PPFIA2: variants seen among roughly 807,000 people sequenced by gnomAD.
The protein encoded by PPFIA2 is liprin-alpha-2.
A neutral mutation model predicts 175.5 loss-of-function variants in PPFIA2; 46 were observed. That is an observed-to-expected ratio of 0.26 (90% CI 0.21 to 0.34). The LOEUF (loss-of-function observed/expected upper bound fraction) is 0.34, where lower values mean the gene tolerates loss of function less well. Ranked by LOEUF, PPFIA2 falls within the 10% of genes least tolerant of loss-of-function variation. The pLI is 1.00. For missense variants in PPFIA2, 1,179 were observed against 1,506.1 expected (o/e 0.78, Z 3.60); for synonymous variants, 568 against 511.4 (o/e 1.11, Z -1.49).
At chr12:81,411,595 T>C (rs1592577069) in intron 7 of PPFIA2, among the ~76,000 whole-genome samples, 1 of 152,078 alleles carries the variant, frequency 6.6e-6, no homozygotes, top group East Asian at 1.9e-4. Flanking sequence ...TTTTCTTTTC[T>C]ACCAGCTTGA....
rs1433922678 is a variant in PPFIA2, at chr12:81,272,133, C to G, written c.3311-4046G>C. Among the ~76,000 whole-genome samples the G allele has an allele frequency of 2.0e-5, 3 of 152,200 alleles. No homozygotes were observed. In the East Asian group the frequency reaches 5.8e-4, roughly 29 times the overall value. ...ATTGTGGAGTTTACTCTGGCAGATT[C>G]TAAGATTTTGGGGTGTGGGAAATCA... is the stretch of plus-strand genomic sequence containing the variant. On this transcript the variant is annotated intron_variant, in intron 28 of 32. Transcript: ENST00000549396.
At chr12:81,432,002 T>C (rs1304152789) in intron 7 of PPFIA2, among the ~76,000 whole-genome samples, 1 of 152,236 alleles carries the variant, frequency 6.6e-6, no homozygotes, top group Non-Finnish European at 1.5e-5. Flanking sequence ...ACCCCTACAA[T>C]GAATTCCTCC....
intron 23 of PPFIA2, 144 bp from the exon 24 acceptor site, chr12:81,295,179 C>G (rs1882188): frequency 0.95 from 684,713 of 718,490 alleles, 327,538 homozygotes; most frequent in South Asian, 0.98. Context: ...CCCTAGAGGA[C>G]ATAGATGCAC....
Position 81,392,814 on chromosome 12 carries a change from T to C in PPFIA2, c.763-8570A>G, listed in dbSNP as rs75918341. Among the ~76,000 whole-genome samples the C allele has an allele frequency of 1.5e-3, 230 of 152,074 alleles. 4 individuals are homozygous for C. The East Asian group carries it at 0.028, about 19-fold the overall frequency. ...TGTTTTGCTTTAATTCATCCCCAAC[T>C]CAATTAGTGAGAACTTCACTTTTTC... is the stretch of plus-strand genomic sequence containing the variant. On this transcript the variant is annotated intron_variant, in intron 8 of 32. Transcript: ENST00000549396.
chr12:81,551,094 C>T (rs1488565324), intron 4 of PPFIA2, among the ~76,000 whole-genome samples: 1 of 151,366 alleles, frequency 6.6e-6, no homozygotes, highest in Non-Finnish European at 1.5e-5. Context: ...AAACACATTA[C>T]AGTGAGTGGA....
chr12:81,646,823 T>C (rs2066153701), intron 4 of PPFIA2, among the ~76,000 whole-genome samples: 1 of 151,694 alleles, frequency 6.6e-6, no homozygotes, highest in Non-Finnish European at 1.5e-5. Context: ...GTCTTCTGTG[T>C]TTTTTAACCA....
At chr12:81,547,204 G>A (rs1409450037) in intron 4 of PPFIA2, among the ~76,000 whole-genome samples, 1 of 152,088 alleles carries the variant, frequency 6.6e-6, no homozygotes, top group Non-Finnish European at 1.5e-5. Context: ...GTAAATTTCA[G>A]TTGAATTCCA....
At chr12:81,389,274 C>G (rs1281647891) in intron 8 of PPFIA2, among the ~76,000 whole-genome samples, 1 of 150,556 alleles carries the variant, frequency 6.6e-6, no homozygotes, top group Non-Finnish European at 1.5e-5. Flanking sequence ...ATGTTTGTTC[C>G]AATTCTGTGC....
chr12:81,290,355 T>G (rs191420487), intron 24 of PPFIA2, among the ~76,000 whole-genome samples: 9 of 151,940 alleles, frequency 5.9e-5, no homozygotes, highest in African/African-American at 2.2e-4. Flanking sequence ...TAGTGATTTA[T>G]GTGGAATTTT....
intron 4 of PPFIA2, among the ~76,000 whole-genome samples, chr12:81,570,642 AT>A (rs1027709809): frequency 4.0e-5 from 6 of 151,352 alleles, no homozygotes; most frequent in African/African-American, 1.5e-4. Context: ...AGTTGTGAAA[AT>A]TTTTCTTAAA....
Position 81,605,754 on chromosome 12 carries a change from G to C in PPFIA2, c.303+71037C>G, listed in dbSNP as rs2060243736. ...TCTTCATATTTATCCACTTCTAACA[G>C]TATCCATACCCTTAGCTTTATATCA... On this transcript the variant is annotated intron_variant, in intron 4 of 32. Coordinates refer to ENST00000549396, the MANE Select transcript of PPFIA2 (RefSeq NM_003625.5). Among the ~76,000 whole-genome samples, 4 of 151,234 alleles carry C rather than the reference G, an allele frequency of 2.6e-5. No individual in the cohort carries two copies. In the South Asian group the frequency reaches 8.3e-4, roughly 32 times the overall value.
intron 4 of PPFIA2, among the ~76,000 whole-genome samples, chr12:81,522,904 G>C (rs577952376): frequency 6.6e-6 from 1 of 152,238 alleles, no homozygotes; most frequent in Non-Finnish European, 1.5e-5. Flanking sequence ...TCTCAATAGA[G>C]GTTTTTCTAA....
chr12:81,347,580 G>A lies in PPFIA2; in HGVS notation c.2185C>T (p.Pro729Ser), dbSNP rs758318458. 1 of 1,613,650 alleles carries A rather than the reference G, an allele frequency of 6.2e-7. No homozygotes were observed. The highest frequency in any genetic ancestry group is 1.1e-5 in the South Asian group (1 of 91,074). Residue 729 changes from proline to serine, a missense_variant, in exon 18 of 33, where the codon CCT becomes TCT. Physicochemically the swap from Pro to Ser is moderately conservative, Grantham distance 74 (BLOSUM62 -1). Coordinates refer to ENST00000549396, the MANE Select transcript of PPFIA2 (RefSeq NM_003625.5). ...PSGHSTPKLT[P>S]RSPAREMDRM... ...TCCATTTCCCTGGCAGGGCTTCGAG[G>A]GGTGAGCTTTGGAGTTGAGTGTCCA... is the stretch of plus-strand genomic sequence containing the variant.
At chr12:81,457,938 T>G (rs1440468657) in intron 4 of PPFIA2, 72 bp from the exon 5 acceptor site, 1 of 1,051,488 alleles carries the variant, frequency 9.5e-7, no homozygotes, top group Admixed American at 2.6e-5. Flanking sequence ...AAATATAAAT[T>G]TCAAAATGAA....
In PPFIA2 at chr12:81,362,742, C is replaced by G. The variant is rs2031358971; in HGVS notation, c.1588G>C (p.Asp530His). ...EEIEKLRSEL[D>H]QLKMRTGSLI... The stretch of plus-strand genomic sequence containing the variant: ...GAGCCAGTTCTCATTTTCAATTGGT[C>G]AAGTTCAGATCTCAGCTTTTCAATT... The change falls in exon 15 of 33, where the codon GAC becomes CAC. Residue 530 changes from aspartate to histidine, a missense_variant. Around this residue, in one of 10 missense-constraint regions of PPFIA2, gnomAD observed 186 missense variants for 163.6 expected, o/e 1.14. Coordinates refer to ENST00000549396, the MANE Select transcript of PPFIA2 (RefSeq NM_003625.5). The G allele has an allele frequency of 6.5e-7, 1 of 1,546,858 alleles. No homozygotes were observed. The highest frequency in any genetic ancestry group is 8.7e-7 in the Non-Finnish European group (1 of 1,143,430).
intron 4 of PPFIA2, among the ~76,000 whole-genome samples, chr12:81,602,729 G>A (rs2059918883): frequency 6.6e-6 from 1 of 151,730 alleles, no homozygotes; most frequent in South Asian, 2.1e-4. Flanking sequence ...ATGCGACACA[G>A]TTAAGATTCA....
intron 4 of PPFIA2, among the ~76,000 whole-genome samples, chr12:81,630,933 G>T (rs1383017560): frequency 1.4e-5 from 2 of 143,864 alleles, no homozygotes; most frequent in Admixed American, 7.1e-5. Context: ...GTCTAGCTCT[G>T]TTGGCCAGGC....
chr12:81,671,026 C>A (rs1434322783), intron 4 of PPFIA2, among the ~76,000 whole-genome samples: 2 of 151,942 alleles, frequency 1.3e-5, no homozygotes, highest in Non-Finnish European at 2.9e-5. Context: ...ATTAAGTCTT[C>A]TACATGTCCA....
intron 16 of PPFIA2, among the ~76,000 whole-genome samples, chr12:81,354,736 C>G (rs751780769): frequency 1.1e-4 from 16 of 151,920 alleles, no homozygotes; most frequent in Admixed American, 2.6e-4. Context: ...CTCTGCCACC[C>G]GAGCTCAAGC....
Sources: allele counts gnomAD v4.1 joint callset (sites outside exome capture counted in the v4.1 genomes callset), GRCh38; gene constraint gnomAD v4.1.1; regional missense constraint gnomAD v4.1.1; transcripts MANE v1.5; gene names NCBI Gene and HGNC (gene_info 2026-07-23, HGNC 2026-07-21).